Variants in SH2D4A observed in about 807,000 individuals in gnomAD.
The protein encoded by SH2D4A is SH2 domain-containing protein 4A.
SH2D4A carries 70 observed loss-of-function variants against 64.7 expected under a neutral mutation model. That is an observed-to-expected ratio of 1.08 (90% CI 0.89 to 1.32). The LOEUF is 1.32. SH2D4A is among the 40% of genes most tolerant of loss of function. The probability of loss-of-function intolerance (pLI) is 0.00; values close to 1 mark genes in which losing one functional copy is unlikely to be tolerated. For synonymous variants in SH2D4A, 268 were observed against 200.7 expected, an observed-to-expected ratio of 1.34 and a Z score of -2.83; for missense variants, 706 against 540.1, an observed-to-expected ratio of 1.31 and a Z score of -3.04.
rs1024940274 is a variant in SH2D4A, at chr8:19,319,472, G to A, written c.-76G>A. On this transcript the variant is annotated 5_prime_UTR_variant, in exon 2 of 10. Coordinates refer to ENST00000265807, the MANE Select transcript of SH2D4A (RefSeq NM_022071.4). ...GTTTCGTGGAAACGCCCAAGTGCCA[G>A]CACAGGTGGAGGGACACCTGGAGGC... is the stretch of plus-strand genomic sequence containing the variant. 1.1e-5 allele frequency: 15 copies of A among 1,380,110 alleles called. No homozygotes were observed. The highest frequency in any genetic ancestry group is 1.2e-5 in the Non-Finnish European group (13 of 1,061,398). 85.5% of individuals were successfully genotyped at this position (1,380,110 alleles called of 1,614,324 possible). A position where few individuals can be genotyped will look rare whatever the true frequency, so the allele number is the denominator to read the frequency against.
At chr8:19,336,198 T>A (rs1485347619) in intron 4 of SH2D4A, among the ~76,000 whole-genome samples, 1 of 152,172 alleles carries the variant, frequency 6.6e-6, no homozygotes, top group Admixed American at 6.5e-5. Flanking sequence ...CTGCCCAAGG[T>A]CTTATTCAAA....
At chr8:19,385,729 A>G (rs1243646500) in intron 8 of SH2D4A, among the ~76,000 whole-genome samples, 1 of 152,168 alleles carries the variant, frequency 6.6e-6, no homozygotes, top group Non-Finnish European at 1.5e-5. Flanking sequence ...AACAGAGCAT[A>G]TGTCACTGAA....
chr8:19,335,384 G>T (rs2052431231), intron 4 of SH2D4A, among the ~76,000 whole-genome samples: 1 of 152,138 alleles, frequency 6.6e-6, no homozygotes, highest in South Asian at 2.1e-4. Flanking sequence ...TATTTCATGA[G>T]ACTGAAAGTA....
chr8:19,317,538 G>C (rs578255409), intron 1 of SH2D4A, among the ~76,000 whole-genome samples: 1 of 152,226 alleles, frequency 6.6e-6, no homozygotes, highest in South Asian at 2.1e-4. Context: ...ACAATGAACA[G>C]TCAGCGAATC....
intron 2 of SH2D4A, among the ~76,000 whole-genome samples, chr8:19,332,717 C>T (rs571885608): frequency 0.011 from 1,566 of 146,424 alleles, 15 homozygotes; most frequent in Middle Eastern, 0.047. Context: ...AAAAAAAGCA[C>T]GGGCAAAAAA....
intron 4 of SH2D4A, among the ~76,000 whole-genome samples, chr8:19,354,026 C>T (rs1038097246): frequency 1.3e-4 from 19 of 146,912 alleles, no homozygotes; most frequent in Non-Finnish European, 2.2e-4. Context: ...CGGAGTCTCA[C>T]GGTCACCAGG....
chr8:19,373,370 A>T, intron 7 of SH2D4A, among the ~76,000 whole-genome samples, 160 bp from the exon 8 acceptor site: 1 of 150,768 alleles, frequency 6.6e-6, no homozygotes, highest in African/African-American at 2.5e-5. Flanking sequence ...ATGTATATAT[A>T]TTTGCATGTA....
chr8:19,391,919 C>G (rs916754825), intron 8 of SH2D4A, among the ~76,000 whole-genome samples: 1 of 152,140 alleles, frequency 6.6e-6, no homozygotes, highest in Non-Finnish European at 1.5e-5. Flanking sequence ...AGGGAGCCAA[C>G]AAGAGAAGGC....
chr8:19,393,224 G>A (rs765564142), intron 8 of SH2D4A, 94 bp from the exon 9 acceptor site: 99 of 1,134,006 alleles, frequency 8.7e-5, no homozygotes, highest in Middle Eastern at 5.8e-4. Flanking sequence ...TTATTTAGGC[G>A]TCATTGACTC....
intron 5 of SH2D4A, among the ~76,000 whole-genome samples, chr8:19,359,792 C>G (rs1197018376): frequency 6.6e-6 from 1 of 150,884 alleles, no homozygotes; most frequent in Non-Finnish European, 1.5e-5. Context: ...TGATTTATGA[C>G]TGCCCAGAGC....
chr8:19,335,713 G>A (rs1186863283), intron 4 of SH2D4A, among the ~76,000 whole-genome samples: 1 of 152,118 alleles, frequency 6.6e-6, no homozygotes, highest in East Asian at 1.9e-4. Context: ...TGCCTGTTGG[G>A]CTTCATTGGC....
intron 7 of SH2D4A, among the ~76,000 whole-genome samples, chr8:19,370,019 T>C (rs1332794006): frequency 6.6e-6 from 1 of 152,098 alleles, no homozygotes. Flanking sequence ...TTCATTTTCA[T>C]TCGTCTCAAG....
At chr8:19,383,025 A>G (rs1232676697) in intron 8 of SH2D4A, among the ~76,000 whole-genome samples, 3 of 151,710 alleles carry the variant, frequency 2.0e-5, no homozygotes, top group Non-Finnish European at 4.4e-5. Context: ...ATTTGATTGT[A>G]TTATGTGTCA....
intron 7 of SH2D4A, among the ~76,000 whole-genome samples, chr8:19,371,907 A>G (rs1563206267): frequency 6.6e-6 from 1 of 152,186 alleles, no homozygotes; most frequent in Non-Finnish European, 1.5e-5. Context: ...TCTTTCTGCT[A>G]CATTTCCCTG....
At chr8:19,365,156 G>A (rs1350379621) in intron 7 of SH2D4A, among the ~76,000 whole-genome samples, 3 of 152,156 alleles carry the variant, frequency 2.0e-5, no homozygotes, top group African/African-American at 7.2e-5. Context: ...CTCTTCTCCT[G>A]CTTGGAGTCG....
At chr8:19,335,269 C>G (rs889612925) in intron 4 of SH2D4A, among the ~76,000 whole-genome samples, 1 of 151,928 alleles carries the variant, frequency 6.6e-6, no homozygotes. Context: ...GCACTCCAGC[C>G]TGGGCGACAG....
Position 19,313,794 on chromosome 8 carries a change from A to G in SH2D4A, c.-234A>G. Reference sequence around the variant, plus strand: ...GCCAAGTGGATGTGGCGGGTGATCGAGCCACCCTGCCCAGGGGCGCCCAGC... The same window carrying G: ...GCCAAGTGGATGTGGCGGGTGATCGGGCCACCCTGCCCAGGGGCGCCCAGC... On this transcript the variant is annotated 5_prime_UTR_variant, in exon 1 of 10. Transcript: ENST00000265807. 6.6e-7 allele frequency: 1 copy of G among 1,511,528 alleles called. No individual in the cohort carries two copies. The highest frequency in any genetic ancestry group is 8.8e-7 in the Non-Finnish European group (1 of 1,135,464). 93.6% of individuals were successfully genotyped at this position (1,511,528 alleles called of 1,614,324 possible). A position where few individuals can be genotyped will look rare whatever the true frequency, so the allele number is the denominator to read the frequency against.
At chr8:19,343,141 A>G (rs901277278) in intron 4 of SH2D4A, among the ~76,000 whole-genome samples, 1 of 152,168 alleles carries the variant, frequency 6.6e-6, no homozygotes, top group African/African-American at 2.4e-5. Flanking sequence ...AGTGGGAATT[A>G]AAACCAGGTG....
intron 7 of SH2D4A, among the ~76,000 whole-genome samples, chr8:19,365,039 A>T (rs962598583): frequency 6.6e-6 from 1 of 152,224 alleles, no homozygotes; most frequent in East Asian, 1.9e-4. Context: ...ATTAAAATCA[A>T]ATGTTGATTG....
Sources: allele counts gnomAD v4.1 joint callset (sites outside exome capture counted in the v4.1 genomes callset), GRCh38; gene constraint gnomAD v4.1.1; transcripts MANE v1.5; gene names NCBI Gene and HGNC (gene_info 2026-07-23, HGNC 2026-07-21).